The following NOL10 variants were observed in gnomAD, a reference collection of about 807,000 sequenced individuals.
NOL10 encodes the protein nucleolar protein 10.
Under a neutral mutation model 103.5 loss-of-function variants are expected in NOL10, and 58 were observed. The observed-to-expected ratio is 0.56, with a 90% CI of 0.45 to 0.70. The LOEUF (loss-of-function observed/expected upper bound fraction) is 0.70. Ranked by LOEUF, NOL10 falls within the 30% of genes least tolerant of loss-of-function variation. The pLI is 0.00. For missense variants in NOL10, 763 were observed against 807.3 expected, an observed-to-expected ratio of 0.95 and a Z score of 0.67; for synonymous variants, 287 against 282.5, an observed-to-expected ratio of 1.02 and a Z score of -0.16.
intron 12 of NOL10, among the ~76,000 whole-genome samples, chr2:10,651,007 C>T (rs1311923505): frequency 1.3e-5 from 2 of 152,130 alleles, no homozygotes; most frequent in Non-Finnish European, 2.9e-5. Flanking sequence ...CAGAAAGAGG[C>T]TTCTTTGCCA....
chr2:10,686,935 T>C (rs11691060), intron 1 of NOL10, among the ~76,000 whole-genome samples: 79,517 of 150,996 alleles, frequency 0.53, 21,449 homozygotes, highest in Middle Eastern at 0.64. Context: ...CAAGAAACAG[T>C]TGGATACACA....
Position 10,689,935 on chromosome 2 carries a change from C to T in NOL10, c.-74G>A. On this transcript the variant is annotated 5_prime_UTR_variant, in exon 1 of 21. Transcript: ENST00000381685. ...CTCGAGCACCGTAATCCCGGGACCT[C>T]CGAGCCCCTGCTCCGCGGCGTGCGG... 1 of 1,418,796 alleles carries T rather than the reference C, an allele frequency of 7.0e-7. No homozygotes were observed. The highest frequency in any genetic ancestry group is 9.7e-7 in the Non-Finnish European group (1 of 1,026,958). 87.9% of individuals were successfully genotyped at this position (1,418,796 alleles called of 1,614,324 possible).
chr2:10,668,259 T>C (rs1307846644), intron 7 of NOL10, among the ~76,000 whole-genome samples: 1 of 152,142 alleles, frequency 6.6e-6, no homozygotes, highest in East Asian at 1.9e-4. Context: ...TAATGTATGA[T>C]AAAAGGAAAC....
At chr2:10,679,557 C>CCTTTCTTTCCTTTTT (rs553033208) in intron 3 of NOL10, among the ~76,000 whole-genome samples, 1 of 151,942 alleles carries the variant, frequency 6.6e-6, no homozygotes, top group East Asian at 1.9e-4. Flanking sequence ...ATTCTTTCTT[C>CCTTTCTTTCCTTTTT]CTTTCTTTCC....
At chr2:10,587,098 CACATAT>C (rs1675094562) in intron 19 of NOL10, among the ~76,000 whole-genome samples, 1 of 44,092 alleles carries the variant, frequency 2.3e-5, no homozygotes, top group African/African-American at 1.5e-4. Context: ...CATATATATA[CACATAT>C]ATATACATAT....
intron 10 of NOL10, 67 bp from the exon 11 acceptor site, chr2:10,657,958 G>T: frequency 8.2e-7 from 1 of 1,223,708 alleles, no homozygotes; most frequent in Non-Finnish European, 1.1e-6. Flanking sequence ...ATTTCTAAGT[G>T]AGAATAATGG....
intron 6 of NOL10, 40 bp from the exon 7 acceptor site, chr2:10,668,763 C>T: frequency 1.2e-6 from 1 of 868,994 alleles, no homozygotes; most frequent in Non-Finnish European, 1.7e-6. Flanking sequence ...TGCTAAACTA[C>T]AATGAAACTT....
intron 20 of NOL10, among the ~76,000 whole-genome samples, chr2:10,576,897 C>T (rs1674478330): frequency 6.7e-6 from 1 of 149,852 alleles, no homozygotes. Flanking sequence ...GAATAATCTC[C>T]CTACTACTGC....
At chr2:10,640,635 T>C (rs1686125528) in intron 13 of NOL10, among the ~76,000 whole-genome samples, 1 of 152,164 alleles carries the variant, frequency 6.6e-6, no homozygotes, top group Admixed American at 6.5e-5. Context: ...TCACACTTCA[T>C]ACTTCATACT....
Position 10,587,204 on chromosome 2 carries a change from CACATATATATAT to C in NOL10, c.1844+1827_1844+1838del, listed in dbSNP as rs1172636108. Reference sequence around the variant, plus strand: ...ACACATATATATACACATATATATACACATATATATATACATATATATACATATATATATACA... The same window carrying C: ...ACACATATATATACACATATATATACACATATATATACATATATATATACA... On this transcript the variant is annotated intron_variant, in intron 19 of 20. Transcript: ENST00000381685. Among the ~76,000 whole-genome samples the C allele has an allele frequency of 2.9e-4, 10 of 34,408 alleles. 3 individuals carry two copies. Among genetic ancestry groups the C allele is most frequent in the East Asian group, 2.1e-3 (3 of 1,414 alleles). The allele number at this position is 34,408 out of a possible 152,430, so 22.6% of individuals were successfully genotyped here. A position where few individuals can be genotyped will look rare whatever the true frequency, so the allele number is the denominator to read the frequency against.
intron 12 of NOL10, among the ~76,000 whole-genome samples, chr2:10,648,621 C>T (rs1281030366): frequency 6.6e-6 from 1 of 152,154 alleles, no homozygotes; most frequent in East Asian, 1.9e-4. Context: ...AACCTTACCC[C>T]TCTCCAATAC....
At chr2:10,649,746 C>A (rs540893132) in intron 12 of NOL10, among the ~76,000 whole-genome samples, 1 of 152,238 alleles carries the variant, frequency 6.6e-6, no homozygotes, top group South Asian at 2.1e-4. Context: ...GCTCTGCAGC[C>A]CCCCTGGTCA....
At position 10,685,496 on chromosome 2, in the gene NOL10, C is replaced by T. The variant is rs1416919973; in HGVS notation, c.67-884G>A. On this transcript the variant is annotated intron_variant, in intron 1 of 20. Coordinates refer to ENST00000381685, the MANE Select transcript of NOL10 (RefSeq NM_024894.4). ...GACTGAGAGAGACTCCGTCCCCCCC[C>T]CCCCCCCCCCCGCCAAAAAAAAAGA... Among the ~76,000 whole-genome samples, 12 of 18,674 alleles carry T rather than the reference C, an allele frequency of 6.4e-4. 3 individuals carry two copies. The highest frequency in any genetic ancestry group is 1.5e-3 in the East Asian group (1 of 660). 12.3% of individuals were successfully genotyped at this position (18,674 alleles called of 152,430 possible).
intron 14 of NOL10, chr2:10,604,798 G>C (rs998646193): frequency 6.6e-6 from 1 of 152,168 alleles, no homozygotes; most frequent in Non-Finnish European, 1.5e-5. Context: ...TTAACTCCAT[G>C]GATCACTAGT....
At chr2:10,608,056 G>GT (rs1676351990) in intron 13 of NOL10, among the ~76,000 whole-genome samples, 1 of 152,038 alleles carries the variant, frequency 6.6e-6, no homozygotes, top group Admixed American at 6.6e-5. Context: ...ACAAAAAATG[G>GT]TAAGTACTAC....
chr2:10,636,418 ACC>A (rs368090534), intron 13 of NOL10, among the ~76,000 whole-genome samples: 3 of 122,966 alleles, frequency 2.4e-5, no homozygotes, highest in Admixed American at 8.3e-5. Context: ...TCTACAAAAA[ACC>A]AAAAAAAAAA....
At chr2:10,607,749 A>T (rs75730030) in intron 13 of NOL10, among the ~76,000 whole-genome samples, 26 of 112,910 alleles carry the variant, frequency 2.3e-4, no homozygotes, top group African/African-American at 1.0e-3. Context: ...AAAAAACAAT[A>T]TTTATTATTA....
At chr2:10,683,887 T>C (rs1391280249) in intron 2 of NOL10, among the ~76,000 whole-genome samples, 2 of 152,138 alleles carry the variant, frequency 1.3e-5, no homozygotes, top group Non-Finnish European at 2.9e-5. Context: ...ACTATTGTTA[T>C]CCATGAAACG....
chr2:10,633,793 A>AAG (rs71392246), intron 13 of NOL10, among the ~76,000 whole-genome samples: 37 of 149,358 alleles, frequency 2.5e-4, no homozygotes, highest in Admixed American at 2.4e-3. Context: ...GTTTATATGT[A>AAG]TGTGTGTGTG....
Sources: gnomAD v4.1 joint callset for allele counts (sites outside exome capture counted in the v4.1 genomes callset) on GRCh38, gnomAD v4.1.1 for gene constraint, MANE v1.5 for transcripts, NCBI Gene and HGNC (gene_info 2026-07-23, HGNC 2026-07-21) for gene names.